LRCH1: variants seen among roughly 807,000 people sequenced by gnomAD.
LRCH1 encodes the protein leucine-rich repeat and calponin homology domain-containing protein 1.
In LRCH1, 23 loss-of-function variants were observed where a neutral mutation model predicts 94.9. The observed-to-expected ratio is 0.24, with a 90% CI of 0.17 to 0.34. The LOEUF is 0.34. Among genes scored for constraint, LRCH1 ranks in the 10% least tolerant of loss-of-function variants. The pLI, the probability that LRCH1 is intolerant of heterozygous loss-of-function variation, is 1.00. For synonymous variants in LRCH1, 364 were observed against 354.9 expected (o/e 1.03, Z -0.29); for missense variants, 790 against 945.9 (o/e 0.84, Z 2.16).
chr13:46,642,116 G>A (rs760635315), intron 1 of LRCH1, among the ~76,000 whole-genome samples: 3 of 152,364 alleles, frequency 2.0e-5, no homozygotes, highest in Non-Finnish European at 2.9e-5. Flanking sequence ...TGGAGGATAC[G>A]TGGCACTAAA....
intron 1 of LRCH1, among the ~76,000 whole-genome samples, chr13:46,627,619 C>T (rs1197839900): frequency 6.6e-6 from 1 of 152,118 alleles, no homozygotes; most frequent in East Asian, 1.9e-4. Flanking sequence ...CCCTGGTCCA[C>T]CTACCTTAGT....
intron 2 of LRCH1, among the ~76,000 whole-genome samples, chr13:46,653,579 C>A (rs1046215902): frequency 1.3e-5 from 2 of 152,096 alleles, no homozygotes; most frequent in Non-Finnish European, 2.9e-5. Context: ...AATCCCAGCA[C>A]TTTGGGAGGC....
chr13:46,614,969 A>G (rs780831227), intron 1 of LRCH1, among the ~76,000 whole-genome samples: 3 of 152,176 alleles, frequency 2.0e-5, no homozygotes, highest in Non-Finnish European at 2.9e-5. Flanking sequence ...CACCTTAGAC[A>G]TTTTATTAGG....
At chr13:46,599,127 A>T (rs1280068318) in intron 1 of LRCH1, among the ~76,000 whole-genome samples, 1 of 152,218 alleles carries the variant, frequency 6.6e-6, no homozygotes, top group Non-Finnish European at 1.5e-5. Context: ...ACTTAGCATT[A>T]TATAATGTCC....
chr13:46,637,435 G>GC (rs1187966197), intron 1 of LRCH1, among the ~76,000 whole-genome samples: 2 of 152,210 alleles, frequency 1.3e-5, no homozygotes, highest in African/African-American at 4.8e-5. Flanking sequence ...CTATGTGATT[G>GC]CCTACTCCAT....
chr13:46,705,647 G>T (rs1241322174), intron 13 of LRCH1: 1 of 412,558 alleles, frequency 2.4e-6, no homozygotes, highest in Non-Finnish European at 4.5e-6. Context: ...ATTCAATGTA[G>T]ATTTTAGAGC....
At chr13:46,576,563 A>G (rs2050307117) in intron 1 of LRCH1, among the ~76,000 whole-genome samples, 1 of 152,150 alleles carries the variant, frequency 6.6e-6, no homozygotes, top group Admixed American at 6.5e-5. Flanking sequence ...TGAGCTTTAC[A>G]TGTTGTCTCC....
intron 2 of LRCH1, among the ~76,000 whole-genome samples, chr13:46,654,194 G>A (rs1381759322): frequency 1.3e-5 from 2 of 152,132 alleles, no homozygotes; most frequent in Non-Finnish European, 2.9e-5. Context: ...TTGTCTGTGT[G>A]AGTTCTTCCT....
intron 1 of LRCH1, among the ~76,000 whole-genome samples, chr13:46,581,639 G>T (rs2050366412): frequency 6.6e-6 from 1 of 152,216 alleles, no homozygotes; most frequent in African/African-American, 2.4e-5. Flanking sequence ...TAATTTTTCT[G>T]TTGAGAAATG....
At chr13:46,747,663 T>G (rs1370666420), downstream of LRCH1, among the ~76,000 whole-genome samples, 1 of 152,228 alleles carries the variant, frequency 6.6e-6, no homozygotes, top group Non-Finnish European at 1.5e-5. Flanking sequence ...TTCACATTCC[T>G]TGCCCAGTGT....
intron 2 of LRCH1, among the ~76,000 whole-genome samples, chr13:46,658,707 C>T (rs949795330): frequency 2.6e-5 from 4 of 152,156 alleles, no homozygotes; most frequent in Admixed American, 6.5e-5. Context: ...TCTCAAACTC[C>T]TGGACACAAG....
chr13:46,647,046 G>A (rs939590660), intron 1 of LRCH1, among the ~76,000 whole-genome samples: 1 of 151,300 alleles, frequency 6.6e-6, no homozygotes, highest in African/African-American at 2.4e-5. Flanking sequence ...CCAGGAGATG[G>A]AGGTTGCAGT....
intron 1 of LRCH1, among the ~76,000 whole-genome samples, chr13:46,575,279 C>T (rs2050290817): frequency 6.6e-6 from 1 of 152,020 alleles, no homozygotes; most frequent in Non-Finnish European, 1.5e-5. Flanking sequence ...AGTTTAAGCT[C>T]AGCTGTGCAC....
At chr13:46,638,546 C>G (rs776219466) in intron 1 of LRCH1, among the ~76,000 whole-genome samples, 2 of 152,160 alleles carry the variant, frequency 1.3e-5, no homozygotes, top group Non-Finnish European at 2.9e-5. Flanking sequence ...TTTGGAAAAC[C>G]TGAGTAGTGG....
At chr13:46,739,268 ATTTC>A (rs1873535406) in intron 19 of LRCH1, among the ~76,000 whole-genome samples, 1 of 152,156 alleles carries the variant, frequency 6.6e-6, no homozygotes, top group Non-Finnish European at 1.5e-5. Context: ...ACCTAAGTGA[ATTTC>A]TTAACCTCTG....
chr13:46,681,480 T>A (rs2051749452), intron 3 of LRCH1, among the ~76,000 whole-genome samples: 1 of 152,194 alleles, frequency 6.6e-6, no homozygotes, highest in South Asian at 2.1e-4. Context: ...CATGTCAAAG[T>A]GGCAGGCCAG....
chr13:46,683,757 T>G (rs1200826232), intron 4 of LRCH1, among the ~76,000 whole-genome samples: 1 of 152,222 alleles, frequency 6.6e-6, no homozygotes, highest in Non-Finnish European at 1.5e-5. Flanking sequence ...AAAGCATTCC[T>G]TTCCCTTAAA....
intron 1 of LRCH1, among the ~76,000 whole-genome samples, chr13:46,606,587 T>C (rs939618640): frequency 1.3e-5 from 2 of 152,198 alleles, no homozygotes; most frequent in African/African-American, 4.8e-5. Flanking sequence ...TGTTTTGTTT[T>C]TTGGGACAGG....
chr13:46,571,150 A>G (rs1319691576), intron 1 of LRCH1, among the ~76,000 whole-genome samples: 1 of 152,246 alleles, frequency 6.6e-6, no homozygotes, highest in Non-Finnish European at 1.5e-5. Context: ...AACAATTGTT[A>G]CAATATGTTA....
Sources: allele counts gnomAD v4.1 joint callset (sites outside exome capture counted in the v4.1 genomes callset), GRCh38; gene constraint gnomAD v4.1.1; transcripts MANE v1.5; gene names NCBI Gene and HGNC (gene_info 2026-07-23, HGNC 2026-07-21).